SDK2: variants seen among roughly 807,000 people sequenced by gnomAD.
SDK2 encodes the protein protein sidekick-2.
Under a neutral mutation model 253.9 loss-of-function variants are expected in SDK2, and 105 were observed. The ratio of observed to expected loss-of-function variants is 0.41; its 90% CI spans 0.35 to 0.49. SDK2 has a LOEUF of 0.49. Ranked by LOEUF, SDK2 falls within the 20% of genes least tolerant of loss-of-function variation. SDK2 has a pLI of 0.06. For missense variants in SDK2, 2,608 were observed against 3,003.0 expected (o/e 0.87, Z 3.07); for synonymous variants, 1,249 against 1,234.9 (o/e 1.01, Z -0.24).
In SDK2 at chr17:73,365,247, G is replaced by T. The variant is rs2062674341; in HGVS notation, c.5305+11C>A. ...GGGGGGCTGGGGAGCTGTGCTGGGGGGTCCACTCACCATCCACGGGGCTGC... is the reference window on the plus strand; with the variant it reads ...GGGGGGCTGGGGAGCTGTGCTGGGGTGTCCACTCACCATCCACGGGGCTGC... On this transcript the variant is annotated intron_variant, in intron 38 of 44. Transcript: ENST00000392650. 4 of 1,578,230 alleles carry T rather than the reference G, an allele frequency of 2.5e-6. No homozygotes were observed. Among genetic ancestry groups the T allele is most frequent in the Admixed American group, 1.8e-5 (1 of 56,390 alleles).
At chr17:73,437,926 C>A (rs1567772977) in intron 7 of SDK2, 38 bp downstream of exon 7, 4 of 1,574,232 alleles carry the variant, frequency 2.5e-6, no homozygotes, top group South Asian at 2.3e-5. Flanking sequence ...GCTGCCCCTA[C>A]CCCTCAGGGG....
chr17:73,471,101 G>A (rs2063646992), intron 3 of SDK2, among the ~76,000 whole-genome samples: 1 of 152,116 alleles, frequency 6.6e-6, no homozygotes, highest in Admixed American at 6.5e-5. Context: ...CGGGGGAGAA[G>A]GCCGTTACCC....
chr17:73,461,008 C>T (rs2063559103), intron 3 of SDK2, among the ~76,000 whole-genome samples: 1 of 152,184 alleles, frequency 6.6e-6, no homozygotes, highest in Non-Finnish European at 1.5e-5. Context: ...CAGCTGTGAA[C>T]ACTGAGGGCC....
intron 27 of SDK2, 124 bp downstream of exon 27, chr17:73,393,428 TCCCTACCG>T: frequency 1.4e-6 from 1 of 703,456 alleles, no homozygotes; most frequent in Non-Finnish European, 2.1e-6. Flanking sequence ...GGGTGACCCA[TCCCTACCG>T]GAGGCATCTG....
In SDK2 at chr17:73,409,128, A is replaced by G. The variant is rs570934496; in HGVS notation, c.2484+5516T>C. On this transcript the variant is annotated intron_variant, in intron 18 of 44. Coordinates refer to ENST00000392650, the MANE Select transcript of SDK2 (RefSeq NM_001144952.2). ...GGCATTGTTAAAGCTGGGAATGGGG[A>G]TACAGGTGTTCACTGCAGTCTTTCC... is the stretch of plus-strand genomic sequence containing the variant. 3.0e-4 allele frequency among the ~76,000 whole-genome samples: 46 copies of G among 152,262 alleles called. 2 individuals are homozygous for G. In the South Asian group the frequency reaches 9.5e-3, roughly 32 times the overall value.
intron 15 of SDK2, among the ~76,000 whole-genome samples, chr17:73,421,074 C>G (rs1724042991): frequency 6.6e-6 from 1 of 152,240 alleles, no homozygotes; most frequent in Non-Finnish European, 1.5e-5. Flanking sequence ...GGTAGCTTCC[C>G]CTACACTTTC....
At chr17:73,479,792 G>A (rs1389243292) in intron 2 of SDK2, among the ~76,000 whole-genome samples, 1 of 152,244 alleles carries the variant, frequency 6.6e-6, no homozygotes, top group East Asian at 1.9e-4. Flanking sequence ...CTGGGTTCAA[G>A]CAATTCTCCT....
At chr17:73,502,972 A>G (rs1225768714) in intron 2 of SDK2, among the ~76,000 whole-genome samples, 1 of 152,236 alleles carries the variant, frequency 6.6e-6, no homozygotes, top group Non-Finnish European at 1.5e-5. Context: ...GTGAAGCATC[A>G]AAGACACATA....
At position 73,425,424 on chromosome 17, in the gene SDK2, C is replaced by T. The variant is rs1454505057; in HGVS notation, c.1584-1332G>A. Among the ~76,000 whole-genome samples the T allele has an allele frequency of 2.0e-5, 3 of 152,252 alleles. No homozygotes were observed. The East Asian group carries it at 5.8e-4, about 29-fold the overall frequency. On this transcript the variant is annotated intron_variant, in intron 12 of 44. Transcript: ENST00000392650. Reference sequence around the variant, plus strand: ...CCCGGATAGGCAGTGCACTGCAGCACTGCTGCATTCAGGAGTCAGACTCTC... The same window carrying T: ...CCCGGATAGGCAGTGCACTGCAGCATTGCTGCATTCAGGAGTCAGACTCTC...
intron 2 of SDK2, among the ~76,000 whole-genome samples, chr17:73,487,377 G>C (rs968422331): frequency 2.0e-5 from 3 of 152,210 alleles, no homozygotes; most frequent in Non-Finnish European, 4.4e-5. Flanking sequence ...GTGACAGATG[G>C]ACCCCAATGC....
At chr17:73,532,600 C>T (rs552174248) in intron 1 of SDK2, among the ~76,000 whole-genome samples, 1 of 152,326 alleles carries the variant, frequency 6.6e-6, no homozygotes, top group East Asian at 1.9e-4. Context: ...ATGACGTTGC[C>T]AGACAATGAA....
intron 1 of SDK2, among the ~76,000 whole-genome samples, chr17:73,533,622 A>G (rs1232425898): frequency 6.6e-6 from 1 of 152,020 alleles, no homozygotes; most frequent in Non-Finnish European, 1.5e-5. Flanking sequence ...TGCCACTTGG[A>G]CCACACTCAG....
In SDK2 at chr17:73,399,178, A is replaced by G; in HGVS notation, c.3083T>C (p.Val1028Ala). 6.2e-7 allele frequency: 1 copy of G among 1,613,654 alleles called. No homozygotes were observed. The highest frequency in any genetic ancestry group is 8.5e-7 in the Non-Finnish European group (1 of 1,179,864). Residue 1028 changes from valine to alanine, a missense_variant, in exon 22 of 45, where the codon GTG becomes GCG. By Grantham distance (64) the Val-to-Ala change is moderately conservative. Transcript: ENST00000392650. ...DGKTSISRWL[V>A]EAQVGVVGEG... is the part of the protein sequence containing the mutation. ...CCAGGCCTGCCCTACCTGGGCTTCC[A>G]CCAGCCAGCGGGAGATGGAGGTTTT...
intron 12 of SDK2, 46 bp downstream of exon 12, chr17:73,430,465 A>T: frequency 2.1e-6 from 3 of 1,429,930 alleles, no homozygotes; most frequent in Non-Finnish European, 2.9e-6. Flanking sequence ...CTATTGCCAG[A>T]GGCTCCCCCT....
At chr17:73,468,007 T>C (rs1004892979) in intron 3 of SDK2, among the ~76,000 whole-genome samples, 1 of 152,178 alleles carries the variant, frequency 6.6e-6, no homozygotes, top group African/African-American at 2.4e-5. Context: ...CAGCACAGCA[T>C]GGTCCTGGTG....
chr17:73,447,667 G>A lies in SDK2; in HGVS notation c.561C>T (p.Asn187=), dbSNP rs370311529. 127 of 1,551,730 alleles carry A rather than the reference G, an allele frequency of 8.2e-5. No homozygotes were observed. Among genetic ancestry groups the A allele is most frequent in the African/African-American group, 4.6e-4 (34 of 73,138 alleles). ...DAGRYYVQAV[N]DKNGDNKTSQ... ...TGGTCTTGTTATCCCCGTTTTTGTC[G>A]TTAACAGCCTGCACATAGTAGCGAC... is the stretch of plus-strand genomic sequence containing the variant. Residue 187 remains asparagine (N), a synonymous_variant, in exon 5 of 45, where the codon AAC becomes AAT. Transcript: ENST00000392650. The surrounding 1 kb of genome is among the most constrained non-coding windows in gnomAD (Gnocchi z 4.0).
rs2062644901 is a variant in SDK2 at position 73,361,929 on chromosome 17, C to T, written c.5306-84G>A. 2 of 1,412,712 alleles carry T rather than the reference C, an allele frequency of 1.4e-6. No individual in the cohort carries two copies. The highest frequency in any genetic ancestry group is 9.5e-7 in the Non-Finnish European group (1 of 1,054,010). The allele number at this position is 1,412,712 out of a possible 1,614,324, so 87.5% of individuals were successfully genotyped here. ...CATGGGGAAGGGGAAGCGGCCGTGGCCTGGGCCCCGGGACCCTGGGTAGGG... is the reference window on the plus strand; with the variant it reads ...CATGGGGAAGGGGAAGCGGCCGTGGTCTGGGCCCCGGGACCCTGGGTAGGG... On this transcript the variant is annotated intron_variant, in intron 38 of 44. Transcript: ENST00000392650. The surrounding 1 kb of genome is among the most constrained non-coding windows in gnomAD (Gnocchi z 4.1).
intron 5 of SDK2, among the ~76,000 whole-genome samples, chr17:73,441,734 G>A (rs1384536401): frequency 6.6e-6 from 1 of 152,230 alleles, no homozygotes; most frequent in Non-Finnish European, 1.5e-5. Context: ...AATTTCTGTT[G>A]TGAGCCACTC....
chr17:73,340,783 G>C (rs372693985), intron 44 of SDK2, among the ~76,000 whole-genome samples: 1 of 84,502 alleles, frequency 1.2e-5, no homozygotes, highest in South Asian at 4.4e-4. Context: ...TGCTCTTGTC[G>C]TCCAGGCTTG....
Sources: gnomAD v4.1 joint callset for allele counts (sites outside exome capture counted in the v4.1 genomes callset) on GRCh38, gnomAD v4.1.1 for gene constraint, Gnocchi (gnomAD v3.1) non-coding constraint, MANE v1.5 for transcripts, NCBI Gene and HGNC (gene_info 2026-07-23, HGNC 2026-07-21) for gene names.